Variants in RAB8A observed in about 807,000 individuals in gnomAD.
RAB8A encodes the protein ras-related protein Rab-8A.
RAB8A carries 5 observed loss-of-function variants against 29.2 expected under a neutral mutation model. That is an observed-to-expected ratio of 0.17 (90% CI 0.09 to 0.36). RAB8A has a LOEUF of 0.36. RAB8A is among the 10% of genes least tolerant of loss of function. RAB8A has a pLI of 1.00. For synonymous variants in RAB8A, 108 were observed against 99.9 expected, an observed-to-expected ratio of 1.08 and a Z score of -0.49; for missense variants, 171 against 272.2, an observed-to-expected ratio of 0.63 and a Z score of 2.62.
At chr19:16,128,118 A>G in intron 6 of RAB8A, 27 bp downstream of exon 6, 1 of 1,610,308 alleles carries the variant, frequency 6.2e-7, no homozygotes. Context: ...GCTGGGAGAC[A>G]TGGGGCCTGC....
At chr19:16,115,796 T>G (rs2090843654) in intron 1 of RAB8A, among the ~76,000 whole-genome samples, 1 of 152,174 alleles carries the variant, frequency 6.6e-6, no homozygotes, top group Admixed American at 6.5e-5. Flanking sequence ...TGGATGAGAC[T>G]TGTCAGTTCC....
chr19:16,129,408 G>T, intron 6 of RAB8A, 146 bp from the exon 7 acceptor site: 1 of 754,810 alleles, frequency 1.3e-6, no homozygotes, highest in East Asian at 2.5e-5. Context: ...GGACAGGCCA[G>T]ATGAACCCAC....
chr19:16,130,328 A>C (rs2090919820), intron 7 of RAB8A, among the ~76,000 whole-genome samples: 1 of 151,934 alleles, frequency 6.6e-6, no homozygotes, highest in African/African-American at 2.4e-5. Context: ...CGGCCATGTT[A>C]CATTGGTTGT....
Position 16,122,597 on chromosome 19 carries a change from A to G in RAB8A, c.246+787A>G, listed in dbSNP as rs1435546017. Among the ~76,000 whole-genome samples, 1 of 152,118 alleles carries G rather than the reference A, an allele frequency of 6.6e-6. No individual in the cohort carries two copies. The highest frequency in any genetic ancestry group is 1.5e-5 in the Non-Finnish European group (1 of 68,008). On this transcript the variant is annotated intron_variant, in intron 3 of 7. Coordinates refer to ENST00000300935, the MANE Select transcript of RAB8A (RefSeq NM_005370.5). This position sits in a 1 kb window ranked among gnomAD's most constrained non-coding sequence, Gnocchi z 4.7. The stretch of plus-strand genomic sequence containing the variant: ...CTTTCCTCCGCATACCCCATCATTT[A>G]ATTGCTCAGGCAGCTGCCTGTTTCC...
chr19:16,114,439 C>T (rs1385642751), intron 1 of RAB8A, among the ~76,000 whole-genome samples: 2 of 141,740 alleles, frequency 1.4e-5, no homozygotes, highest in Non-Finnish European at 3.0e-5. Context: ...TGCAGTGGCG[C>T]GATCTCGGCT....
intron 2 of RAB8A, 131 bp downstream of exon 2, chr19:16,118,417 G>A (rs1323744044): frequency 7.5e-6 from 6 of 796,666 alleles, no homozygotes; most frequent in African/African-American, 3.5e-5. Flanking sequence ...GGCACATGGG[G>A]CTTTCTCCAG....
At chr19:16,119,899 C>T (rs1347564212) in intron 2 of RAB8A, among the ~76,000 whole-genome samples, 2 of 151,976 alleles carry the variant, frequency 1.3e-5, no homozygotes. Context: ...CTGCAACCTC[C>T]GCCTCCTGGG....
rs933190039 is a variant in RAB8A, at chr19:16,122,939, G to A, written c.246+1129G>A. Among the ~76,000 whole-genome samples, 14 of 152,230 alleles carry A rather than the reference G, an allele frequency of 9.2e-5. No homozygotes were observed. The East Asian group carries it at 2.7e-3, about 29-fold the overall frequency. On this transcript the variant is annotated intron_variant, in intron 3 of 7. Coordinates refer to ENST00000300935, the MANE Select transcript of RAB8A (RefSeq NM_005370.5). This position sits in a 1 kb window ranked among gnomAD's most constrained non-coding sequence, Gnocchi z 4.7. Reference sequence around the variant, plus strand: ...CCTCTGGAGAAAACTGTGACCTGGGGCCTGTCCCGATCTTCTCTGGGCCCA... The same window carrying A: ...CCTCTGGAGAAAACTGTGACCTGGGACCTGTCCCGATCTTCTCTGGGCCCA...
At chr19:16,120,133 C>G (rs1435396102) in intron 2 of RAB8A, among the ~76,000 whole-genome samples, 2 of 151,946 alleles carry the variant, frequency 1.3e-5, no homozygotes, top group Non-Finnish European at 2.9e-5. Context: ...TTTTTAACCA[C>G]TCATGTCTCC....
chr19:16,125,793 C>T lies in RAB8A; in HGVS notation c.324+246C>T. On this transcript the variant is annotated intron_variant, in intron 4 of 7. Transcript: ENST00000300935. This position sits in a 1 kb window ranked among gnomAD's most constrained non-coding sequence, Gnocchi z 5.0. Reference sequence around the variant, plus strand: ...CTCCAGCTAGGCTGTTGGATCTGGCCAGTGTCATGGTTATAAGAGAAAGGA... The same window carrying T: ...CTCCAGCTAGGCTGTTGGATCTGGCTAGTGTCATGGTTATAAGAGAAAGGA... 1.6e-6 allele frequency: 1 copy of T among 639,480 alleles called. No homozygotes were observed. Among genetic ancestry groups the T allele is most frequent in the Non-Finnish European group, 2.9e-6 (1 of 347,884 alleles). 39.6% of individuals were successfully genotyped at this position (639,480 alleles called of 1,614,324 possible). A position where few individuals can be genotyped will look rare whatever the true frequency, so the allele number is the denominator to read the frequency against.
In RAB8A at chr19:16,131,391, G is replaced by A. The variant is rs147577157; in HGVS notation, c.532-821G>A. 6.7e-3 allele frequency among the ~76,000 whole-genome samples: 1,015 copies of A among 151,980 alleles called. 8 individuals are homozygous for A. The highest frequency in any genetic ancestry group is 0.023 in the African/African-American group (956 of 41,468). ...ATGGTTGGTTGAAAGGGAATAAATC[G>A]ATGGTTGATTTGTTGGAAGGAGATG... On this transcript the variant is annotated intron_variant, in intron 7 of 7. Coordinates refer to ENST00000300935, the MANE Select transcript of RAB8A (RefSeq NM_005370.5).
At chr19:16,121,617 G>A (rs1343309270) in intron 2 of RAB8A, 133 bp from the exon 3 acceptor site, 1 of 755,926 alleles carries the variant, frequency 1.3e-6, no homozygotes. Context: ...AGAAGGTGCT[G>A]CCTTAGCAGA....
intron 7 of RAB8A, among the ~76,000 whole-genome samples, chr19:16,130,069 C>T (rs905391047): frequency 6.6e-6 from 1 of 152,110 alleles, no homozygotes; most frequent in Admixed American, 6.6e-5. Context: ...AGCTCTGCAA[C>T]CTTCATTGTG....
chr19:16,111,911 A>G lies in RAB8A; in HGVS notation c.10A>G (p.Thr4Ala). 6.2e-7 allele frequency: 1 copy of G among 1,613,820 alleles called. No individual in the cohort carries two copies. Among genetic ancestry groups the G allele is most frequent in the Non-Finnish European group, 8.5e-7 (1 of 1,179,858 alleles). The change falls in exon 1 of 8, where the codon ACC becomes GCC. Residue 4 changes from threonine to alanine, a missense_variant. Thr to Ala is a moderately conservative substitution (Grantham distance 58). Around this residue, in one of 3 missense-constraint regions of RAB8A, gnomAD observed 26 missense variants for 42.9 expected, o/e 0.61. Coordinates refer to ENST00000300935, the MANE Select transcript of RAB8A (RefSeq NM_005370.5). Reference sequence around the variant, plus strand: ...GGGGAGAGAGTGTAATATGGCGAAGACCTACGATTACCTGTTCAAGCTGCT... The same window carrying G: ...GGGGAGAGAGTGTAATATGGCGAAGGCCTACGATTACCTGTTCAAGCTGCT... The part of the protein sequence containing the change: MAK[T>A]YDYLFKLLLI...
chr19:16,116,317 C>T (rs184590559), intron 1 of RAB8A, among the ~76,000 whole-genome samples: 94 of 152,216 alleles, frequency 6.2e-4, no homozygotes, highest in African/African-American at 2.2e-3. Flanking sequence ...TAGGCAGGAC[C>T]TTGACACACA....
rs1048118441 is a variant in RAB8A at position 16,125,746 on chromosome 19, C to T, written c.324+199C>T. 25 of 683,804 alleles carry T rather than the reference C, an allele frequency of 3.7e-5. No individual in the cohort carries two copies. The East Asian group carries it at 5.7e-4, about 16-fold the overall frequency. 42.4% of individuals were successfully genotyped at this position (683,804 alleles called of 1,614,324 possible). A position where few individuals can be genotyped will look rare whatever the true frequency, so the allele number is the denominator to read the frequency against. On this transcript the variant is annotated intron_variant, in intron 4 of 7. Coordinates refer to ENST00000300935, the MANE Select transcript of RAB8A (RefSeq NM_005370.5). The surrounding 1 kb of genome is among the most constrained non-coding windows in gnomAD (Gnocchi z 5.0). ...ACCACACACTGGCCTGGCCCCACCC[C>T]GGAGCCCCTCGGAGCCCATCCCTCC...
At position 16,132,072 on chromosome 19, in the gene RAB8A, G is replaced by C; in HGVS notation, c.532-140G>C. ...TTGGTTTGGCTGGTTTGATTGGTTT[G>C]GTTGTTTGGTTGGTTGGTTGGTTGG... On this transcript the variant is annotated intron_variant, in intron 7 of 7. Transcript: ENST00000300935. The surrounding 1 kb of genome is among the most constrained non-coding windows in gnomAD (Gnocchi z 5.6). 1 of 689,024 alleles carries C rather than the reference G, an allele frequency of 1.5e-6. No individual in the cohort carries two copies. The highest frequency in any genetic ancestry group is 2.5e-6 in the Non-Finnish European group (1 of 392,566). 42.7% of individuals were successfully genotyped at this position (689,024 alleles called of 1,614,324 possible).
Position 16,132,199 on chromosome 19 carries a change from C to G in RAB8A, c.532-13C>G. The G allele has an allele frequency of 1.2e-6, 2 of 1,602,556 alleles. No homozygotes were observed. Among genetic ancestry groups the G allele is most frequent in the Non-Finnish European group, 1.7e-6 (2 of 1,169,592 alleles). ...TCTCAGTGATAACCTCAGAAAACCTCTTGTGATTTCAGGAAGGCAACAGCC... is the reference window on the plus strand; with the variant it reads ...TCTCAGTGATAACCTCAGAAAACCTGTTGTGATTTCAGGAAGGCAACAGCC... On this transcript the variant is annotated splice_polypyrimidine_tract_variant and intron_variant, in intron 7 of 7. Transcript: ENST00000300935. The surrounding 1 kb of genome is among the most constrained non-coding windows in gnomAD (Gnocchi z 5.6).
At position 16,120,120 on chromosome 19, in the gene RAB8A, CTG is replaced by C. The variant is rs71334604; in HGVS notation, c.186-1628_186-1627del. ...GAGCCACCGCACCTGGCAAAAATGA[CTG>C]TTTTTAACCACTCATGTCTCCTGCT... On this transcript the variant is annotated intron_variant, in intron 2 of 7. Transcript: ENST00000300935. Among the ~76,000 whole-genome samples, 1,406 of 151,980 alleles carry C rather than the reference CTG, an allele frequency of 9.3e-3. 13 individuals are homozygous for C. Among genetic ancestry groups the C allele is most frequent in the Middle Eastern group, 0.027 (8 of 294 alleles).
Sources: gnomAD v4.1 joint callset for allele counts (sites outside exome capture counted in the v4.1 genomes callset) on GRCh38, gnomAD v4.1.1 for gene constraint, gnomAD v4.1.1 regional missense constraint, Gnocchi (gnomAD v3.1) non-coding constraint, MANE v1.5 for transcripts, NCBI Gene and HGNC (gene_info 2026-07-23, HGNC 2026-07-21) for gene names.